Variants in HYDIN observed in about 807,000 individuals in gnomAD.
HYDIN encodes the protein axonemal central pair apparatus protein HYDIN.
Under a neutral mutation model 403.9 loss-of-function variants are expected in HYDIN, and 132 were observed. The ratio of observed to expected loss-of-function variants is 0.33; its 90% CI spans 0.28 to 0.38. HYDIN has a LOEUF of 0.38. Among genes scored for constraint, HYDIN ranks in the 10% least tolerant of loss-of-function variants. The probability of loss-of-function intolerance (pLI) is 1.00; values close to 1 mark genes in which losing one functional copy is unlikely to be tolerated. For synonymous variants in HYDIN, 1,202 were observed against 1,891.7 expected (o/e 0.64, Z 9.46); for missense variants, 2,827 against 5,009.5 (o/e 0.56, Z 13.15).
chr16:70,996,632 G>A lies in HYDIN; in HGVS notation c.3645-4422C>T, dbSNP rs1445260146. On this transcript the variant is annotated intron_variant, in intron 23 of 85. Coordinates refer to ENST00000393567, the MANE Select transcript of HYDIN (RefSeq NM_001270974.2). The stretch of plus-strand genomic sequence containing the variant: ...AATAATGAATGTGAGCTGCTCTTGT[G>A]TGGGGTTGGTGAGGATTACCATCAT... Among the ~76,000 whole-genome samples, 3 of 152,122 alleles carry A rather than the reference G, an allele frequency of 2.0e-5. No individual in the cohort carries two copies. In the East Asian group the frequency reaches 5.8e-4, roughly 29 times the overall value.
rs930821705 is a variant in HYDIN at position 70,805,271 on chromosome 16, A to G, written c.*2309T>C. Among the ~76,000 whole-genome samples the G allele has an allele frequency of 6.6e-6, 1 of 152,226 alleles. No individual in the cohort carries two copies. Among genetic ancestry groups the G allele is most frequent in the Admixed American group, 6.5e-5 (1 of 15,288 alleles). On this transcript the variant is annotated 3_prime_UTR_variant, in exon 86 of 86. Transcript: ENST00000393567. ...CCTTAAAGTAGCACTCTCAGCTGCA[A>G]TGTGCATGCAAATCGCCTGGAGGTC...
intron 1 of HYDIN, among the ~76,000 whole-genome samples, chr16:71,188,756 T>G (rs1006666523): frequency 7.2e-5 from 11 of 152,094 alleles, no homozygotes; most frequent in African/African-American, 1.9e-4. Context: ...ACATAACACA[T>G]TAAATAGGTT....
chr16:71,199,338 T>C (rs578181010), intron 1 of HYDIN, among the ~76,000 whole-genome samples: 14 of 152,350 alleles, frequency 9.2e-5, no homozygotes, highest in African/African-American at 2.9e-4. Flanking sequence ...CCCTACTCCT[T>C]TGAAGCAGCC....
At chr16:70,993,862 C>T (rs2144051243) in intron 23 of HYDIN, among the ~76,000 whole-genome samples, 2 of 151,676 alleles carry the variant, frequency 1.3e-5, no homozygotes, top group South Asian at 4.2e-4. Context: ...ACATTTTAGC[C>T]ATTCAAATGA....
At chr16:71,027,465 G>C in intron 20 of HYDIN, 137 bp downstream of exon 20, 1 of 1,532,806 alleles carries the variant, frequency 6.5e-7, no homozygotes, top group East Asian at 2.4e-5. Context: ...TGCTACTATG[G>C]TAACTCAGGA....
intron 5 of HYDIN, among the ~76,000 whole-genome samples, chr16:71,172,971 C>T (rs1380278051): frequency 6.6e-6 from 1 of 152,196 alleles, no homozygotes; most frequent in Non-Finnish European, 1.5e-5. Context: ...GACAGCATGC[C>T]TAACCCTAGC....
intron 7 of HYDIN, among the ~76,000 whole-genome samples, chr16:71,148,463 G>A (rs1178283525): frequency 6.6e-6 from 1 of 152,112 alleles, no homozygotes; most frequent in Non-Finnish European, 1.5e-5. Flanking sequence ...ACCTGTTTGT[G>A]TATATACAAA....
At chr16:71,225,736 T>C (rs968743311) in intron 1 of HYDIN, among the ~76,000 whole-genome samples, 12 of 152,146 alleles carry the variant, frequency 7.9e-5, no homozygotes, top group South Asian at 2.1e-4. Context: ...ACCAAGACAT[T>C]TGAATGAGGT....
At position 70,874,946 on chromosome 16, in the gene HYDIN, G is replaced by T. The variant is rs767873443; in HGVS notation, c.10558-27C>A. On this transcript the variant is annotated intron_variant, in intron 62 of 85. Transcript: ENST00000393567. Reference sequence around the variant, plus strand: ...TGGCAGAAGGAAAGCAGGGATGAGTGCTAGGCTTACAGGCTGCTCATGGGC... The same window carrying T: ...TGGCAGAAGGAAAGCAGGGATGAGTTCTAGGCTTACAGGCTGCTCATGGGC... 11 of 1,552,276 alleles carry T rather than the reference G, an allele frequency of 7.1e-6. No individual in the cohort carries two copies. The South Asian group carries it at 1.1e-4, about 15-fold the overall frequency.
At chr16:71,220,297 C>T (rs565197535) in intron 1 of HYDIN, among the ~76,000 whole-genome samples, 1 of 152,290 alleles carries the variant, frequency 6.6e-6, no homozygotes, top group South Asian at 2.1e-4. Flanking sequence ...AACTATATAA[C>T]TACTAAGGGG....
intron 7 of HYDIN, among the ~76,000 whole-genome samples, chr16:71,138,111 A>T (rs1389009740): frequency 6.8e-6 from 1 of 145,998 alleles, no homozygotes; most frequent in African/African-American, 2.6e-5. Flanking sequence ...TATATAAGTG[A>T]GTTTTCAAGA....
In HYDIN at chr16:70,981,341, A is replaced by C. The variant is rs551569883; in HGVS notation, c.4510+50T>G. On this transcript the variant is annotated intron_variant, in intron 29 of 85. Transcript: ENST00000393567. ...AGCAATCTTCCAATAAGCAAAGCTA[A>C]AATGCTTGTTTTGTCCCCAGTGGGG... 7.1e-6 allele frequency: 11 copies of C among 1,551,148 alleles called. No homozygotes were observed. The South Asian group carries it at 1.4e-4, about 19-fold the overall frequency.
Position 70,995,733 on chromosome 16 carries a change from G to A in HYDIN, c.3645-3523C>T, listed in dbSNP as rs184322203. Among the ~76,000 whole-genome samples, 81 of 152,316 alleles carry A rather than the reference G, an allele frequency of 5.3e-4. 1 individual carries two copies. Among genetic ancestry groups the A allele is most frequent in the African/African-American group, 1.9e-3 (78 of 41,570 alleles). Reference sequence around the variant, plus strand: ...CAGTGTAGTCTTGTGGGAAAAGGTGGCAGGGAGGGGTGGGCAGCCCTGCAG... The same window carrying A: ...CAGTGTAGTCTTGTGGGAAAAGGTGACAGGGAGGGGTGGGCAGCCCTGCAG... On this transcript the variant is annotated intron_variant, in intron 23 of 85. Transcript: ENST00000393567.
intron 13 of HYDIN, among the ~76,000 whole-genome samples, chr16:71,079,549 C>T (rs1309824582): frequency 6.6e-6 from 1 of 152,100 alleles, no homozygotes; most frequent in African/African-American, 2.4e-5. Context: ...GTGGAGAAGA[C>T]TTCTAGATGA....
intron 3 of HYDIN, among the ~76,000 whole-genome samples, chr16:71,182,995 C>T (rs2086969586): frequency 6.6e-6 from 1 of 151,978 alleles, no homozygotes; most frequent in Non-Finnish European, 1.5e-5. Context: ...GTATCAAATG[C>T]TATGAGACAA....
chr16:71,152,347 TTTATTA>T (rs1380260247), intron 7 of HYDIN, among the ~76,000 whole-genome samples: 1 of 152,032 alleles, frequency 6.6e-6, no homozygotes, highest in Admixed American at 6.5e-5. Context: ...TAAAATTGAT[TTTATTA>T]TTATTTATTT....
At position 70,863,270 on chromosome 16, in the gene HYDIN, T is replaced by G. The variant is rs113852530; in HGVS notation, c.11472-88A>C. 159 of 1,205,472 alleles carry G rather than the reference T, an allele frequency of 1.3e-4. 1 individual carries two copies. The African/African-American group carries it at 2.0e-3, about 15-fold the overall frequency. 74.7% of individuals were successfully genotyped at this position (1,205,472 alleles called of 1,614,324 possible). A position where few individuals can be genotyped will look rare whatever the true frequency, so the allele number is the denominator to read the frequency against. ...ATGTCATCTATACTGTACTTAACCT[T>G]TTGAAGTCATGTCACTTTGTTTCTT... On this transcript the variant is annotated intron_variant, in intron 67 of 85. Transcript: ENST00000393567.
intron 1 of HYDIN, among the ~76,000 whole-genome samples, chr16:71,218,440 T>C (rs2089006188): frequency 6.6e-6 from 1 of 152,220 alleles, no homozygotes; most frequent in African/African-American, 2.4e-5. Context: ...GGTTACGTGA[T>C]TCTATTCAGT....
intron 52 of HYDIN, among the ~76,000 whole-genome samples, chr16:70,903,345 T>C (rs1449313318): frequency 7.2e-6 from 1 of 139,418 alleles, no homozygotes; most frequent in African/African-American, 2.7e-5. Flanking sequence ...AGAAAGCTGG[T>C]CCTTCTGCAG....
Sources: allele counts gnomAD v4.1 joint callset (sites outside exome capture counted in the v4.1 genomes callset), GRCh38; gene constraint gnomAD v4.1.1; transcripts MANE v1.5; gene names NCBI Gene and HGNC (gene_info 2026-07-23, HGNC 2026-07-21).